CYP2A13: variants seen among roughly 807,000 people sequenced by gnomAD.
CYP2A13 encodes cytochrome P450 family 2 subfamily A member 13.
A neutral mutation model predicts 39.4 loss-of-function variants in CYP2A13; 30 were observed. The ratio of observed to expected loss-of-function variants is 0.76; its 90% confidence interval spans 0.57 to 1.03. The LOEUF (loss-of-function observed/expected upper bound fraction) is 1.03, where lower values mean the gene tolerates loss of function less well. Ranked by LOEUF, CYP2A13 falls within the 50% of genes least tolerant of loss-of-function variation. The probability of loss-of-function intolerance (pLI) is 0.00; values close to 1 mark genes in which losing one functional copy is unlikely to be tolerated. For synonymous variants in CYP2A13, 269 were observed against 254.7 expected, an observed-to-expected ratio of 1.06 and a Z score of -0.54; for missense variants, 731 against 648.4, an observed-to-expected ratio of 1.13 and a Z score of -1.38.
intron 3 of CYP2A13, 83 bp downstream of exon 3, chr19:41,090,279 A>G: frequency 6.4e-7 from 1 of 1,560,910 alleles, no homozygotes; most frequent in Non-Finnish European, 8.7e-7. Flanking sequence ...AGGGGCCCGC[A>G]CTTCCAGCCC....
chr19:41,092,843 A>G (rs890928550), intron 5 of CYP2A13, among the ~76,000 whole-genome samples: 3 of 152,222 alleles, frequency 2.0e-5, no homozygotes, highest in African/African-American at 7.2e-5. Context: ...ATTCCTCCAC[A>G]GTAAGTTTCA....
chr19:41,093,988 A>G (rs1347097400), intron 6 of CYP2A13, among the ~76,000 whole-genome samples: 3 of 152,100 alleles, frequency 2.0e-5, no homozygotes. Flanking sequence ...TCCTGTCCCA[A>G]GCCCACTGAG....
In CYP2A13 at chr19:41,096,037, G is replaced by T; in HGVS notation, c.*96G>T. The T allele has an allele frequency of 1.6e-6, 2 of 1,287,340 alleles. No individual in the cohort carries two copies. Among genetic ancestry groups the T allele is most frequent in the Admixed American group, 4.5e-5 (2 of 44,204 alleles). 79.7% of individuals were successfully genotyped at this position (1,287,340 alleles called of 1,614,324 possible). On this transcript the variant is annotated 3_prime_UTR_variant, in exon 9 of 9. Coordinates refer to ENST00000330436, the MANE Select transcript of CYP2A13 (RefSeq NM_000766.5). ...GGGAGGGGCGGGGCTAAGAATGGGG[G>T]CAGTGGGGGAAGGAAGGGGAGAGGT...
In CYP2A13 at chr19:41,090,111, G is replaced by T; in HGVS notation, c.408G>T (p.Arg136Ser). ...GGCGCTTCTCCATCGCCACCCTAAG[G>T]GGTTTTGGCGTGGGCAAGCGCGGCA... ...QLRRFSIATL[R>S]GFGVGKRGIE... The change falls in exon 3 of 9, where the codon AGG becomes AGT. Residue 136 changes from arginine to serine, a missense_variant. By Grantham distance (110) the Arg-to-Ser change is moderately radical. Coordinates refer to ENST00000330436, the MANE Select transcript of CYP2A13 (RefSeq NM_000766.5). 6.2e-7 allele frequency: 1 copy of T among 1,609,638 alleles called. No individual in the cohort carries two copies. Among genetic ancestry groups the T allele is most frequent in the Non-Finnish European group, 8.5e-7 (1 of 1,178,170 alleles).
intron 2 of CYP2A13, 57 bp downstream of exon 2, chr19:41,089,148 C>T (rs565411805): frequency 2.9e-5 from 46 of 1,604,810 alleles, no homozygotes; most frequent in East Asian, 2.0e-4. Flanking sequence ...GTCTCCGTGT[C>T]CCCAGCCTTC....
rs992277505 is a variant in CYP2A13 at position 41,095,994 on chromosome 19, G to T, written c.*53G>T. ...TGGGCGGGGCCAGGGAAACGGCCGGGGCAGGGGCGGGGCTTGTGGGAGGGG... is the reference window on the plus strand; with the variant it reads ...TGGGCGGGGCCAGGGAAACGGCCGGTGCAGGGGCGGGGCTTGTGGGAGGGG... On this transcript the variant is annotated 3_prime_UTR_variant, in exon 9 of 9. Coordinates refer to ENST00000330436, the MANE Select transcript of CYP2A13 (RefSeq NM_000766.5). 2.5e-6 allele frequency: 4 copies of T among 1,593,848 alleles called. No individual in the cohort carries two copies. Among genetic ancestry groups the T allele is most frequent in the Non-Finnish European group, 2.6e-6 (3 of 1,167,100 alleles).
intron 4 of CYP2A13, among the ~76,000 whole-genome samples, chr19:41,091,479 C>A (rs2031187155): frequency 6.6e-6 from 1 of 152,194 alleles, no homozygotes. Flanking sequence ...TCCAATCCAG[C>A]CTCATTTGCA....
chr19:41,090,103 A>T lies in CYP2A13; in HGVS notation c.400A>T (p.Thr134Ser), dbSNP rs1306136483. 1 of 1,612,140 alleles carries T rather than the reference A, an allele frequency of 6.2e-7. No individual in the cohort carries two copies. The highest frequency in any genetic ancestry group is 8.5e-7 in the Non-Finnish European group (1 of 1,179,178). Residue 134 changes from threonine to serine, a missense_variant, in exon 3 of 9, where the codon ACC (threonine) becomes TCC (serine). Thr to Ser is a moderately conservative substitution (Grantham distance 58). Coordinates refer to ENST00000330436, the MANE Select transcript of CYP2A13 (RefSeq NM_000766.5). The part of the protein sequence containing the change: ...AKQLRRFSIA[T>S]LRGFGVGKRG... ...GCAGCTCCGGCGCTTCTCCATCGCC[A>T]CCCTAAGGGGTTTTGGCGTGGGCAA...
At position 41,095,993 on chromosome 19, in the gene CYP2A13, G is replaced by A. The variant is rs2031300195; in HGVS notation, c.*52G>A. 2 of 1,593,890 alleles carry A rather than the reference G, an allele frequency of 1.3e-6. No homozygotes were observed. The highest frequency in any genetic ancestry group is 2.3e-5 in the East Asian group (1 of 44,276). ...GTGGGCGGGGCCAGGGAAACGGCCG[G>A]GGCAGGGGCGGGGCTTGTGGGAGGG... On this transcript the variant is annotated 3_prime_UTR_variant, in exon 9 of 9. Transcript: ENST00000330436.
intron 2 of CYP2A13, 83 bp from the exon 3 acceptor site, chr19:41,089,963 AC>A: frequency 7.0e-7 from 1 of 1,422,662 alleles, no homozygotes; most frequent in Non-Finnish European, 9.2e-7. Context: ...TCTCTGCTCC[AC>A]CCTTGGGGAG....
Position 41,093,774 on chromosome 19 carries a change from A to G in CYP2A13, c.973+3A>G. 1 of 1,613,738 alleles carries G rather than the reference A, an allele frequency of 6.2e-7. No individual in the cohort carries two copies. The highest frequency in any genetic ancestry group is 1.7e-5 in the Admixed American group (1 of 59,976). On this transcript the variant is annotated splice_donor_region_variant and intron_variant, in intron 6 of 8. Transcript: ENST00000330436. ...CATGAAGCACCCAGAGGTGGAGGGT[A>G]AGACTGGAAAGGGAGGAAAGTGAAG... is the stretch of plus-strand genomic sequence containing the variant.
At chr19:41,091,018 C>G (rs960963394) in intron 4 of CYP2A13, among the ~76,000 whole-genome samples, 2 of 152,178 alleles carry the variant, frequency 1.3e-5, no homozygotes, top group Non-Finnish European at 2.9e-5. Flanking sequence ...ACAGATTAGC[C>G]CACTGGAATA....
Position 41,095,019 on chromosome 19 carries a change from C to T in CYP2A13, c.1222C>T (p.Pro408Ser), listed in dbSNP as rs756963808. The T allele has an allele frequency of 1.2e-6, 2 of 1,614,126 alleles. No individual in the cohort carries two copies. Among genetic ancestry groups the T allele is most frequent in the South Asian group, 1.1e-5 (1 of 91,076 alleles). ...VLRDPRFFSN[P>S]RDFNPQHFLD... Reference sequence around the variant, plus strand: ...GAGAGACCCCAGGTTCTTCTCCAACCCCCGGGACTTCAATCCCCAGCACTT... The same window carrying T: ...GAGAGACCCCAGGTTCTTCTCCAACTCCCGGGACTTCAATCCCCAGCACTT... The change falls in exon 8 of 9, where the codon CCC becomes TCC. Residue 408 changes from proline (P) to serine (S), a missense_variant. Transcript: ENST00000330436.
At position 41,090,418 on chromosome 19, in the gene CYP2A13, C is replaced by T. The variant is rs1252131595; in HGVS notation, c.508C>T (p.Pro170Ser). The part of the protein sequence containing the change: ...LRGTHGANID[P>S]TFFLSRTVSN... ...CACACCTGCAGGCGCCAATATCGAT[C>T]CCACCTTCTTCCTGAGCCGCACAGT... is the stretch of plus-strand genomic sequence containing the variant. Residue 170 changes from proline to serine, a missense_variant, in exon 4 of 9, where the codon CCC becomes TCC. Transcript: ENST00000330436. 6.2e-7 allele frequency: 1 copy of T among 1,614,162 alleles called. No homozygotes were observed. Among genetic ancestry groups the T allele is most frequent in the South Asian group, 1.1e-5 (1 of 91,080 alleles).
In CYP2A13 at chr19:41,090,611, A is replaced by G. The variant is rs764195672; in HGVS notation, c.654+47A>G. 4 of 1,613,010 alleles carry G rather than the reference A, an allele frequency of 2.5e-6. No homozygotes were observed. The South Asian group carries it at 3.3e-5, about 13-fold the overall frequency. On this transcript the variant is annotated intron_variant, in intron 4 of 8. Transcript: ENST00000330436. ...GTGACGCCCCTACCACAACCTGCCA[A>G]CTGCTCCCCTACCTGGAGACAGGTG...
intron 6 of CYP2A13, 73 bp from the exon 7 acceptor site, chr19:41,094,172 G>A: frequency 6.3e-7 from 1 of 1,580,136 alleles, no homozygotes; most frequent in Non-Finnish European, 8.6e-7. Flanking sequence ...CAACCACCGT[G>A]TTTTACCTAT....
intron 3 of CYP2A13, 85 bp from the exon 4 acceptor site, chr19:41,090,319 A>G (rs1417481125): frequency 4.4e-6 from 7 of 1,596,150 alleles, no homozygotes; most frequent in Non-Finnish European, 6.0e-6. Context: ...TCGGCTCAAC[A>G]GGGCCCTGCC....
chr19:41,094,585 C>T (rs1367006760), intron 7 of CYP2A13, among the ~76,000 whole-genome samples, 153 bp downstream of exon 7: 1 of 152,128 alleles, frequency 6.6e-6, no homozygotes, highest in Admixed American at 6.5e-5. Context: ...ATCTGTTCCA[C>T]CTTTCCACTT....
At chr19:41,089,804 G>A (rs1164607629) in intron 2 of CYP2A13, among the ~76,000 whole-genome samples, 1 of 26,514 alleles carries the variant, frequency 3.8e-5, no homozygotes, top group Non-Finnish European at 9.2e-5. Flanking sequence ...TTTCTACCCG[G>A]TCTCTCTCTC....
Sources: gnomAD v4.1 joint callset for allele counts (sites outside exome capture counted in the v4.1 genomes callset) on GRCh38, gnomAD v4.1.1 for gene constraint, MANE v1.5 for transcripts, NCBI Gene and HGNC (gene_info 2026-07-23, HGNC 2026-07-21) for gene names.